Variants in PGAP3 observed in about 807,000 individuals in gnomAD.
The protein encoded by PGAP3 is post-GPI attachment to proteins phospholipase 3, also known as GPI-specific phospholipase A2-like PGAP3.
In PGAP3, 31 loss-of-function variants were observed where a neutral mutation model predicts 40.3. The observed-to-expected ratio is 0.77, with a 90% CI of 0.58 to 1.04. PGAP3 has a LOEUF of 1.04. Among genes scored for constraint, PGAP3 ranks in the 50% least tolerant of loss-of-function variants. The pLI is 0.00. For synonymous variants in PGAP3, 191 were observed against 184.5 expected, an observed-to-expected ratio of 1.04 and a Z score of -0.29; for missense variants, 413 against 423.0, an observed-to-expected ratio of 0.98 and a Z score of 0.21.
In PGAP3 at chr17:39,672,521, G is replaced by C; in HGVS notation, c.*282C>G. 2.0e-6 allele frequency: 1 copy of C among 496,792 alleles called. No individual in the cohort carries two copies. The highest frequency in any genetic ancestry group is 3.5e-5 in the Admixed American group (1 of 28,922). The allele number at this position is 496,792 out of a possible 1,614,324, so 30.8% of individuals were successfully genotyped here. A position where few individuals can be genotyped will look rare whatever the true frequency, so the allele number is the denominator to read the frequency against. On this transcript the variant is annotated 3_prime_UTR_variant, in exon 8 of 8. Transcript: ENST00000300658. ...GGAGGAAACAGGCAGCTGTCCTCCC[G>C]GTAGAGCTAAGAGCACACTCAGTTC...
At chr17:39,679,163 C>G (rs2057410135) in intron 3 of PGAP3, among the ~76,000 whole-genome samples, 1 of 152,100 alleles carries the variant, frequency 6.6e-6, no homozygotes, top group Admixed American at 6.5e-5. Context: ...CCAGCCTGGT[C>G]TTAACTCCTG....
chr17:39,687,192 C>A (rs1300330919), intron 1 of PGAP3, among the ~76,000 whole-genome samples: 6 of 152,330 alleles, frequency 3.9e-5, no homozygotes, highest in Admixed American at 3.9e-4. Flanking sequence ...CTCCACTTTA[C>A]TACATACTGG....
intron 3 of PGAP3, among the ~76,000 whole-genome samples, chr17:39,679,508 A>G (rs1055809615): frequency 2.0e-5 from 3 of 152,208 alleles, no homozygotes; most frequent in Non-Finnish European, 4.4e-5. Context: ...GCTCTCTAGT[A>G]GAGGTGGGGA....
intron 1 of PGAP3, among the ~76,000 whole-genome samples, chr17:39,686,555 A>ATTTT (rs35277523): frequency 8.1e-5 from 8 of 98,510 alleles, no homozygotes; most frequent in African/African-American, 2.1e-4. Flanking sequence ...CGCACCCGGC[A>ATTTT]TTTTTTTTTT....
At chr17:39,679,238 C>T (rs747595385) in intron 3 of PGAP3, among the ~76,000 whole-genome samples, 21 of 152,214 alleles carry the variant, frequency 1.4e-4, no homozygotes, top group Non-Finnish European at 2.2e-4. Context: ...AGCCACCATG[C>T]CCGGCCATCT....
At chr17:39,674,309 GCA>G (rs1329036766) in intron 4 of PGAP3, among the ~76,000 whole-genome samples, 6 of 152,182 alleles carry the variant, frequency 3.9e-5, no homozygotes, top group Non-Finnish European at 8.8e-5. Context: ...AGAATTCAGA[GCA>G]CAGTGTGGAG....
chr17:39,675,043 AC>A (rs776023876), intron 3 of PGAP3, among the ~76,000 whole-genome samples: 1 of 75,646 alleles, frequency 1.3e-5, no homozygotes, highest in African/African-American at 5.1e-5. Context: ...TGACAGCACC[AC>A]CCCACCCGGG....
intron 7 of PGAP3, 23 bp from the exon 8 acceptor site, chr17:39,672,889 A>G (rs1329131308): frequency 6.2e-7 from 1 of 1,611,596 alleles, no homozygotes; most frequent in East Asian, 2.2e-5. Flanking sequence ...GGAGTAGCCC[A>G]TTGAGGCACA....
chr17:39,686,155 G>C (rs1300226651), intron 1 of PGAP3, 136 bp from the exon 2 acceptor site: 14 of 687,996 alleles, frequency 2.0e-5, no homozygotes, highest in Middle Eastern at 2.6e-4. Context: ...CAAAATTCTA[G>C]CTTCCCCTTT....
At chr17:39,682,054 A>G (rs1275467764) in intron 3 of PGAP3, among the ~76,000 whole-genome samples, 2 of 151,086 alleles carry the variant, frequency 1.3e-5, no homozygotes, top group Non-Finnish European at 3.0e-5. Flanking sequence ...CCCCATCTCT[A>G]CTAAAAATAC....
At chr17:39,674,175 T>C in intron 4 of PGAP3, 121 bp from the exon 5 acceptor site, 1 of 963,702 alleles carries the variant, frequency 1.0e-6, no homozygotes. Context: ...TATCACTGTT[T>C]CACTCTGACT....
rs116341833 is a variant in PGAP3 at position 39,687,476 on chromosome 17, A to C, written c.181+358T>G. Among the ~76,000 whole-genome samples, 277 of 152,296 alleles carry C rather than the reference A, an allele frequency of 1.8e-3. 1 individual carries two copies. Among genetic ancestry groups the C allele is most frequent in the African/African-American group, 6.4e-3 (264 of 41,562 alleles). ...CACCTTCCTATCCCAAATGCTTCCT[A>C]ATCAAAGAGTCTTTCAGGGGCTCAA... On this transcript the variant is annotated intron_variant, in intron 1 of 7. Transcript: ENST00000300658.
chr17:39,674,653 G>A lies in PGAP3; in HGVS notation c.459C>T (p.Ser153=). The change falls in exon 4 of 8, where the codon TCC becomes TCT. Residue 153 remains serine (S), a synonymous_variant. Transcript: ENST00000300658. ...CAGTGTCCCTGGTGTGGAAAACTGTGGACCAGAACCATGCATTGAGGGACA... is the reference window on the plus strand; with the variant it reads ...CAGTGTCCCTGGTGTGGAAAACTGTAGACCAGAACCATGCATTGAGGGACA... ...AWVSLNAWFW[S]TVFHTRDTDL... The A allele has an allele frequency of 6.4e-7, 1 of 1,551,250 alleles. No homozygotes were observed. The highest frequency in any genetic ancestry group is 8.7e-7 in the Non-Finnish European group (1 of 1,146,672).
chr17:39,685,863 G>T (rs906054070), intron 2 of PGAP3, 59 bp downstream of exon 2: 2 of 1,487,058 alleles, frequency 1.3e-6, no homozygotes, highest in African/African-American at 1.4e-5. Flanking sequence ...GGTCCAACCA[G>T]GGGGTATATT....
intron 3 of PGAP3, among the ~76,000 whole-genome samples, chr17:39,681,565 A>G (rs2057440592): frequency 6.6e-6 from 1 of 152,012 alleles, no homozygotes; most frequent in Non-Finnish European, 1.5e-5. Context: ...CGGGAGTGCA[A>G]TGGCGTGATC....
chr17:39,682,225 CAAAAAAAAAAAAAAAAAAAAA>C (rs60959390), intron 3 of PGAP3, among the ~76,000 whole-genome samples: 10 of 22,810 alleles, frequency 4.4e-4, no homozygotes, highest in South Asian at 4.3e-3. Context: ...GACTCTGTCT[CAAAAAAAAAAAAAAAAAAAAA>C]AAAAAAAAAA....
chr17:39,683,525 C>G (rs563014467), intron 3 of PGAP3, among the ~76,000 whole-genome samples: 69 of 152,318 alleles, frequency 4.5e-4, no homozygotes, highest in African/African-American at 1.6e-3. Flanking sequence ...CAGCAAAGTG[C>G]CTGGCATATA....
At chr17:39,673,917 C>T in intron 5 of PGAP3, 76 bp downstream of exon 5, 1 of 1,524,664 alleles carries the variant, frequency 6.6e-7, no homozygotes, top group Non-Finnish European at 9.0e-7. Flanking sequence ...GAAGAAGGCC[C>T]CCAGGGGAAG....
Position 39,673,660 on chromosome 17 carries a change from C to A in PGAP3, c.558-10G>T. The A allele has an allele frequency of 6.2e-7, 1 of 1,613,268 alleles. No individual in the cohort carries two copies. Among genetic ancestry groups the A allele is most frequent in the South Asian group, 1.1e-5 (1 of 91,046 alleles). The stretch of plus-strand genomic sequence containing the variant: ...CTGCAGCCCCACGGTCCTGCCCCAC[C>A]GTCCAGGGTTGCTCAGAGGGCAGGT... On this transcript the variant is annotated splice_polypyrimidine_tract_variant and intron_variant, in intron 5 of 7. Coordinates refer to ENST00000300658, the MANE Select transcript of PGAP3 (RefSeq NM_033419.5).
Sources: allele counts gnomAD v4.1 joint callset (sites outside exome capture counted in the v4.1 genomes callset), GRCh38; gene constraint gnomAD v4.1.1; transcripts MANE v1.5; gene names NCBI Gene and HGNC (gene_info 2026-07-23, HGNC 2026-07-21).